The following ABCA5 variants were observed in gnomAD, a reference collection of about 807,000 sequenced individuals.
ABCA5 encodes ATP binding cassette subfamily A member 5, also known as cholesterol transporter ABCA5.
ABCA5 carries 163 observed loss-of-function variants against 206.0 expected under a neutral mutation model. That is an observed-to-expected ratio of 0.79 (90% confidence interval 0.70 to 0.90). ABCA5 has a LOEUF of 0.90. Among genes scored for constraint, ABCA5 ranks in the 40% least tolerant of loss-of-function variants. The pLI is 0.00. For missense variants in ABCA5, 1,859 were observed against 1,912.9 expected, an observed-to-expected ratio of 0.97 and a Z score of 0.53; for synonymous variants, 609 against 613.8, an observed-to-expected ratio of 0.99 and a Z score of 0.11.
At chr17:69,253,523 A>G in intron 34 of ABCA5, 50 bp downstream of exon 34, 1 of 1,243,590 alleles carries the variant, frequency 8.0e-7, no homozygotes, top group Non-Finnish European at 1.1e-6. Flanking sequence ...AATAAAAGAA[A>G]CTGTTCTATT....
Position 69,303,798 on chromosome 17 carries a change from A to ATATATATACACATACATATATATATATG in ABCA5, c.930+870_930+871insCATATATATATATGTATGTGTATATATA, listed in dbSNP as rs2075680195. 2.6e-4 allele frequency among the ~76,000 whole-genome samples: 2 copies of ATATATATACACATACATATATATATATG among 7,640 alleles called. 1 individual carries two copies. The highest frequency in any genetic ancestry group is 2.9e-4 in the African/African-American group (2 of 6,820). 5.0% of individuals were successfully genotyped at this position (7,640 alleles called of 152,430 possible). A position where few individuals can be genotyped will look rare whatever the true frequency, so the allele number is the denominator to read the frequency against. ...AAAAAAAAAAAAAATATATATATATATATATATATACATACATATATATAT... is the reference window on the plus strand; with the variant it reads ...AAAAAAAAAAAAAATATATATATATATATATATACACATACATATATATATATGTATATATATACATACATATATATAT... On this transcript the variant is annotated intron_variant, in intron 7 of 38. Coordinates refer to ENST00000392676, the MANE Select transcript of ABCA5 (RefSeq NM_172232.4).
intron 9 of ABCA5, among the ~76,000 whole-genome samples, chr17:69,299,084 C>T (rs992584739): frequency 6.6e-6 from 1 of 152,124 alleles, no homozygotes; most frequent in African/African-American, 2.4e-5. Flanking sequence ...CACTAATGAT[C>T]AGGGAAATTC....
chr17:69,321,956 A>G (rs950587877), intron 1 of ABCA5, among the ~76,000 whole-genome samples: 1 of 152,204 alleles, frequency 6.6e-6, no homozygotes, highest in Non-Finnish European at 1.5e-5. Context: ...ATAAGTTGCA[A>G]GAAAATGGAA....
At chr17:69,268,530 G>C (rs1598161391) in intron 22 of ABCA5, among the ~76,000 whole-genome samples, 1 of 151,854 alleles carries the variant, frequency 6.6e-6, no homozygotes, top group African/African-American at 2.4e-5. Flanking sequence ...CCAAGCAGAA[G>C]AGGAATTAAC....
chr17:69,322,121 C>G (rs1267672829), intron 1 of ABCA5, among the ~76,000 whole-genome samples: 2 of 152,024 alleles, frequency 1.3e-5, no homozygotes, highest in Non-Finnish European at 2.9e-5. Context: ...CCTGTAATCC[C>G]AGCACTTTGG....
In ABCA5 at chr17:69,271,252, G is replaced by A; in HGVS notation, c.2802C>T (p.Ser934=). The A allele has an allele frequency of 6.2e-7, 1 of 1,612,962 alleles. No homozygotes were observed. Among genetic ancestry groups the A allele is most frequent in the South Asian group, 1.1e-5 (1 of 90,910 alleles). ...DISDLISFFT[S]QNIMVTMIND... ...TAATCATCGTCACCATTATGTTCTG[G>A]CTTGTGAAAAAGCTAATAAGATCAC... is the stretch of plus-strand genomic sequence containing the variant. The change falls in exon 21 of 39, where the codon AGC becomes AGT. Residue 934 remains serine, a synonymous_variant. Coordinates refer to ENST00000392676, the MANE Select transcript of ABCA5 (RefSeq NM_172232.4).
rs1309348910 is a variant in ABCA5 at position 69,261,187 on chromosome 17, A to G, written c.3502T>C (p.Tyr1168His). ...MGYTIATILH[Y>H]AFCIIIPIYP... ...ATTGGAATGATGATACAAAAGGCAT[A>G]ATGAAGAATAGTTGCAATTGTGTAT... The change falls in exon 26 of 39, where the codon TAT (tyrosine) becomes CAT (histidine). Residue 1168 changes from tyrosine to histidine, a missense_variant. Tyr to His is a moderately conservative substitution (Grantham distance 83). Transcript: ENST00000392676. 2 of 1,608,716 alleles carry G rather than the reference A, an allele frequency of 1.2e-6. No homozygotes were observed. Among genetic ancestry groups the G allele is most frequent in the Admixed American group, 3.4e-5 (2 of 59,662 alleles).
At position 69,297,303 on chromosome 17, in the gene ABCA5, T is replaced by C. The variant is rs1301439685; in HGVS notation, c.1324A>G (p.Lys442Glu). The change falls in exon 10 of 39, where the codon AAG (lysine) becomes GAG (glutamate). Residue 442 changes from lysine (K) to glutamate (E), a missense_variant. Lys to Glu is a moderately conservative substitution (Grantham distance 56). Coordinates refer to ENST00000392676, the MANE Select transcript of ABCA5 (RefSeq NM_172232.4). ...LYFLKPSYWS[K>E]SKRNYEELSE... ...AACTCCTCATAATTTCTTTTGCTCT[T>C]TGACCAATATGAAGGCTTCAGAAAA... 4 of 1,612,564 alleles carry C rather than the reference T, an allele frequency of 2.5e-6. No homozygotes were observed. The highest frequency in any genetic ancestry group is 1.1e-5 in the South Asian group (1 of 90,704).
At chr17:69,265,761 G>T (rs879246038) in intron 23 of ABCA5, among the ~76,000 whole-genome samples, 4 of 151,990 alleles carry the variant, frequency 2.6e-5, no homozygotes, top group Admixed American at 2.6e-4. Flanking sequence ...TCTAATACAA[G>T]AATAAAAACA....
intron 1 of ABCA5, among the ~76,000 whole-genome samples, chr17:69,324,429 G>A (rs889868429): frequency 1.3e-4 from 20 of 152,202 alleles, no homozygotes; most frequent in Non-Finnish European, 1.3e-4. Flanking sequence ...GCAGATGTAT[G>A]TTCTAGATAA....
In ABCA5 at chr17:69,254,386, C is replaced by T; in HGVS notation, c.4173G>A (p.Leu1391=). 6.2e-7 allele frequency: 1 copy of T among 1,613,740 alleles called. No homozygotes were observed. Among genetic ancestry groups the T allele is most frequent in the Non-Finnish European group, 8.5e-7 (1 of 1,179,824 alleles). Residue 1391 remains leucine, a synonymous_variant, in exon 32 of 39, where the codon TTG becomes TTA. Coordinates refer to ENST00000392676, the MANE Select transcript of ABCA5 (RefSeq NM_172232.4). ...QINPLWPDTT[L]QEHFEIYGAV... is the part of the protein sequence containing the mutation. ...CTCCATAAATTTCAAAATGTTCCTG[C>T]AATGTAGTATCTGGCCACAAAGGGT...
At position 69,277,690 on chromosome 17, in the gene ABCA5, T is replaced by C. The variant is rs2144952380; in HGVS notation, c.2545A>G (p.Lys849Glu). 2 of 1,611,466 alleles carry C rather than the reference T, an allele frequency of 1.2e-6. No individual in the cohort carries two copies. The highest frequency in any genetic ancestry group is 1.7e-6 in the Non-Finnish European group (2 of 1,179,248). Residue 849 changes from lysine (K) to glutamate (E), a missense_variant, in exon 19 of 39, where the codon AAG (lysine) becomes GAG (glutamate). Physicochemically the swap from Lys to Glu is moderately conservative, Grantham distance 56 (BLOSUM62 1). Transcript: ENST00000392676. ...CGTTTCAAGGTAAAGAAATGAAACTTTGCTATTGTATACATCTGTTGTTTC... is the reference window on the plus strand; with the variant it reads ...CGTTTCAAGGTAAAGAAATGAAACTCTGCTATTGTATACATCTGTTGTTTC... ...LWKQQMYTIA[K>E]FHFFTLKRES...
At chr17:69,323,860 C>G (rs11656456) in intron 1 of ABCA5, among the ~76,000 whole-genome samples, 58,264 of 152,038 alleles carry the variant, frequency 0.38, 12,098 homozygotes, top group Middle Eastern at 0.5. Context: ...ATGAGGAACA[C>G]TGCTTCTGCA....
At chr17:69,252,184 T>G (rs1198529164) in intron 34 of ABCA5, among the ~76,000 whole-genome samples, 1 of 151,496 alleles carries the variant, frequency 6.6e-6, no homozygotes, top group African/African-American at 2.4e-5. Context: ...GCTAATTTTT[T>G]TTTGTATTTT....
intron 23 of ABCA5, among the ~76,000 whole-genome samples, chr17:69,265,305 T>C (rs2075196206): frequency 6.6e-6 from 1 of 152,140 alleles, no homozygotes; most frequent in African/African-American, 2.4e-5. Flanking sequence ...TTCTCAGTTT[T>C]AAAAATGAAC....
In ABCA5 at chr17:69,313,194, T is replaced by C. The variant is rs2075786199; in HGVS notation, c.205A>G (p.Met69Val). ...AGATTAGAAAGAGTAAACTTGTCCA[T>C]AGGATTGAGTTCTATATTAGGCACT... ...EEVPNIELNP[M>V]DKFTLSNLIL... Residue 69 changes from methionine (M) to valine (V), a missense_variant, in exon 3 of 39, where the codon ATG becomes GTG. Met to Val is a conservative substitution (Grantham distance 21). Coordinates refer to ENST00000392676, the MANE Select transcript of ABCA5 (RefSeq NM_172232.4). 3.1e-6 allele frequency: 5 copies of C among 1,589,334 alleles called. No individual in the cohort carries two copies. The highest frequency in any genetic ancestry group is 4.3e-6 in the Non-Finnish European group (5 of 1,158,218).
intron 19 of ABCA5, among the ~76,000 whole-genome samples, chr17:69,276,684 G>A (rs2075335914): frequency 6.6e-6 from 1 of 152,100 alleles, no homozygotes; most frequent in Admixed American, 6.6e-5. Flanking sequence ...GATAGCATTA[G>A]GATAAATACC....
At chr17:69,279,084 G>A (rs1312856601) in intron 18 of ABCA5, among the ~76,000 whole-genome samples, 1 of 151,750 alleles carries the variant, frequency 6.6e-6, no homozygotes, top group Non-Finnish European at 1.5e-5. Flanking sequence ...TAGGAAAAGA[G>A]GAAGTCAAAT....
chr17:69,280,533 G>C (rs1197231003), intron 18 of ABCA5, among the ~76,000 whole-genome samples: 4 of 150,662 alleles, frequency 2.7e-5, no homozygotes, highest in Non-Finnish European at 4.4e-5. Context: ...CCCATTACTG[G>C]GTATATACCC....
Sources: gnomAD v4.1 joint callset for allele counts (sites outside exome capture counted in the v4.1 genomes callset) on GRCh38, gnomAD v4.1.1 for gene constraint, MANE v1.5 for transcripts, NCBI Gene and HGNC (gene_info 2026-07-23, HGNC 2026-07-21) for gene names.